The following RBFOX1 variants were observed in gnomAD, a reference collection of about 807,000 sequenced individuals.
RBFOX1 encodes RNA binding fox-1 homolog 1.
A neutral mutation model predicts 57.7 loss-of-function variants in RBFOX1; 8 were observed. That is an observed-to-expected ratio of 0.14 (90% CI 0.08 to 0.25). The LOEUF (loss-of-function observed/expected upper bound fraction) is 0.25, where lower values mean the gene tolerates loss of function less well. Among genes scored for constraint, RBFOX1 ranks in the 10% least tolerant of loss-of-function variants. The probability of loss-of-function intolerance (pLI) is 1.00; values close to 1 mark genes in which losing one functional copy is unlikely to be tolerated. For synonymous variants in RBFOX1, 326 were observed against 222.4 expected, an observed-to-expected ratio of 1.47 and a Z score of -4.15; for missense variants, 611 against 548.5, an observed-to-expected ratio of 1.11 and a Z score of -1.14.
intron 4 of RBFOX1, among the ~76,000 whole-genome samples, chr16:7,418,355 G>A (rs949315780): frequency 2.0e-5 from 3 of 152,182 alleles, no homozygotes; most frequent in African/African-American, 7.2e-5. Context: ...AGCATCTCCT[G>A]GTGTCTTGTG....
intron 1 of RBFOX1, among the ~76,000 whole-genome samples, chr16:5,255,846 G>T (rs1225578349): frequency 1.3e-5 from 2 of 151,990 alleles, no homozygotes; most frequent in African/African-American, 2.4e-5. Context: ...GATTCCCTGG[G>T]CTCAAACTGA....
intron 3 of RBFOX1, among the ~76,000 whole-genome samples, chr16:5,705,080 A>T (rs1330332646): frequency 6.6e-6 from 1 of 152,168 alleles, no homozygotes; most frequent in East Asian, 1.9e-4. Context: ...CACACATTGT[A>T]TGTCATTGAG....
At chr16:5,997,530 A>G (rs571803513) in intron 4 of RBFOX1, among the ~76,000 whole-genome samples, 24 of 152,354 alleles carry the variant, frequency 1.6e-4, no homozygotes, top group East Asian at 1.5e-3. Context: ...TTTATCTGAC[A>G]TAGTACTTCT....
In RBFOX1 at chr16:7,056,504, T is replaced by G. The variant is rs536796888; in HGVS notation, c.27+4406T>G. ...ACAGGTTATGGTGATAGTCGTACAG[T>G]GACCATATCCAATTATCAACATTTA... On this transcript the variant is annotated intron_variant, in intron 4 of 15. Transcript: ENST00000550418. Among the ~76,000 whole-genome samples, 9 of 152,280 alleles carry G rather than the reference T, an allele frequency of 5.9e-5. No individual in the cohort carries two copies. In the East Asian group the frequency reaches 1.7e-3, roughly 29 times the overall value.
intron 1 of RBFOX1, among the ~76,000 whole-genome samples, chr16:6,143,904 T>A (rs1483241988): frequency 6.6e-6 from 1 of 151,470 alleles, no homozygotes; most frequent in Non-Finnish European, 1.5e-5. Context: ...CAAGCGATCT[T>A]CCCACATCAG....
intron 2 of RBFOX1, among the ~76,000 whole-genome samples, chr16:6,384,699 C>G (rs4786864): frequency 0.3 from 45,677 of 152,040 alleles, 7,853 homozygotes; most frequent in South Asian, 0.6. Flanking sequence ...AATGTGTGAA[C>G]AAGTTTATAA....
At chr16:5,382,794 C>A (rs899307546) in intron 1 of RBFOX1, among the ~76,000 whole-genome samples, 1 of 152,196 alleles carries the variant, frequency 6.6e-6, no homozygotes, top group Non-Finnish European at 1.5e-5. Flanking sequence ...TGAGTGCTTA[C>A]AATATGCCAC....
chr16:6,715,670 T>G (rs1371554841), intron 3 of RBFOX1, among the ~76,000 whole-genome samples: 1 of 152,216 alleles, frequency 6.6e-6, no homozygotes, highest in Non-Finnish European at 1.5e-5. Flanking sequence ...AAAACCCATT[T>G]CTTGAAGATG....
chr16:6,331,999 A>G (rs2083095139), intron 2 of RBFOX1, among the ~76,000 whole-genome samples: 1 of 152,168 alleles, frequency 6.6e-6, no homozygotes, highest in African/African-American at 2.4e-5. Context: ...GGCTGCTGAA[A>G]AGAAACAAGC....
At chr16:5,802,706 TACTA>T (rs1449760762) in intron 3 of RBFOX1, among the ~76,000 whole-genome samples, 1 of 152,208 alleles carries the variant, frequency 6.6e-6, no homozygotes, top group East Asian at 1.9e-4. Flanking sequence ...TCTGATATTT[TACTA>T]ACTAAAGCCC....
chr16:7,704,745 T>A (rs1040423031), intron 14 of RBFOX1, among the ~76,000 whole-genome samples: 1 of 152,104 alleles, frequency 6.6e-6, no homozygotes. Context: ...AGTTGGAAAG[T>A]GCCCTTAAAA....
intron 3 of RBFOX1, among the ~76,000 whole-genome samples, chr16:6,708,127 G>A (rs7204195): frequency 0.016 from 2,393 of 152,288 alleles, 76 homozygotes; most frequent in African/African-American, 0.054. Context: ...ACTACCCACA[G>A]ACACCTGGCT....
chr16:6,263,463 G>T (rs2152643722), intron 1 of RBFOX1, among the ~76,000 whole-genome samples: 1 of 152,254 alleles, frequency 6.6e-6, no homozygotes, highest in East Asian at 1.9e-4. Flanking sequence ...TACATTTCTG[G>T]AATCGCCTGA....
At chr16:7,273,262 C>CT (rs2095373862) in intron 4 of RBFOX1, among the ~76,000 whole-genome samples, 5 of 143,870 alleles carry the variant, frequency 3.5e-5, no homozygotes, top group Admixed American at 7.3e-5. Context: ...TCCTTCCTTC[C>CT]TCCCTTTCTC....
chr16:6,776,072 T>C (rs1219800334), intron 3 of RBFOX1: 1 of 152,022 alleles, frequency 6.6e-6, no homozygotes, highest in East Asian at 1.9e-4. Flanking sequence ...ACATTAGTAC[T>C]GAGGAAATAA....
intron 3 of RBFOX1, among the ~76,000 whole-genome samples, chr16:5,810,997 A>G (rs1026076132): frequency 3.3e-5 from 5 of 152,070 alleles, no homozygotes; most frequent in South Asian, 2.1e-4. Flanking sequence ...CATCACTCCA[A>G]TGGGTTTGTT....
chr16:5,969,298 CTTT>C (rs71142659), intron 4 of RBFOX1, among the ~76,000 whole-genome samples: 219 of 83,750 alleles, frequency 2.6e-3, no homozygotes, highest in African/African-American at 8.3e-3. Context: ...TTCGGTTGTT[CTTT>C]TTTTTTTTTT....
chr16:6,508,473 C>G (rs559753332), intron 2 of RBFOX1, among the ~76,000 whole-genome samples: 2 of 151,944 alleles, frequency 1.3e-5, no homozygotes, highest in East Asian at 3.9e-4. Context: ...TTCAAAAAAC[C>G]AAAAAGAAAA....
At chr16:7,573,718 C>G (rs1181823916) in intron 5 of RBFOX1, among the ~76,000 whole-genome samples, 2 of 151,978 alleles carry the variant, frequency 1.3e-5, no homozygotes, top group Non-Finnish European at 2.9e-5. Context: ...CCTATAAATC[C>G]CAGCTACTCG....
Sources: allele counts gnomAD v4.1 joint callset (sites outside exome capture counted in the v4.1 genomes callset), GRCh38; gene constraint gnomAD v4.1.1; transcripts MANE v1.5; gene names NCBI Gene and HGNC (gene_info 2026-07-23, HGNC 2026-07-21).